The following RAB6B variants were observed in gnomAD, a reference collection of about 807,000 sequenced individuals.
RAB6B encodes the protein RAB6B, member RAS oncogene family, also known as ras-related protein Rab-6B.
In RAB6B, 7 loss-of-function variants were observed where a neutral mutation model predicts 31.2. The observed-to-expected ratio is 0.22, with a 90% CI of 0.13 to 0.42. RAB6B has a LOEUF of 0.42. RAB6B is among the 10% of genes least tolerant of loss of function. RAB6B has a pLI of 1.00. For missense variants in RAB6B, 149 were observed against 280.6 expected (o/e 0.53, Z 3.35); for synonymous variants, 105 against 104.9 (o/e 1.00, Z -0.01).
chr3:133,895,010 G>A (rs1021645387), intron 1 of RAB6B, among the ~76,000 whole-genome samples: 19 of 151,608 alleles, frequency 1.3e-4, no homozygotes, highest in Non-Finnish European at 2.5e-4. Flanking sequence ...CCCCACCCCC[G>A]CCAGCACCCA....
intron 7 of RAB6B, among the ~76,000 whole-genome samples, chr3:133,834,171 G>C (rs528305963): frequency 1.9e-4 from 29 of 152,074 alleles, no homozygotes; most frequent in Non-Finnish European, 3.2e-4. Flanking sequence ...CTGAAGGGGG[G>C]AGCTGTCTTG....
intron 2 of RAB6B, among the ~76,000 whole-genome samples, chr3:133,852,534 G>A (rs888891406): frequency 1.3e-5 from 2 of 149,446 alleles, no homozygotes; most frequent in Non-Finnish European, 3.0e-5. Context: ...GCAGTGGCAT[G>A]AACACAGATC....
Position 133,827,553 on chromosome 3 carries a change from CTGAACCACATCCTCAGG to C in RAB6B, c.*1218_*1234del, listed in dbSNP as rs1935584860. ...GCAAGCAGCCTTCTGGAGACCCCACCTGAACCACATCCTCAGGTGACCACAGCGCAGCCACAGTAGCC... is the reference window on the plus strand; with the variant it reads ...GCAAGCAGCCTTCTGGAGACCCCACCTGACCACAGCGCAGCCACAGTAGCC... On this transcript the variant is annotated 3_prime_UTR_variant, in exon 8 of 8. Coordinates refer to ENST00000285208, the MANE Select transcript of RAB6B (RefSeq NM_016577.4). The C allele has an allele frequency of 7.7e-6, 2 of 259,970 alleles. No homozygotes were observed. The highest frequency in any genetic ancestry group is 5.2e-5 in the Admixed American group (1 of 19,082). The allele number at this position is 259,970 out of a possible 1,614,324, so 16.1% of individuals were successfully genotyped here.
chr3:133,889,425 TATATATATATATA>T, intron 1 of RAB6B, among the ~76,000 whole-genome samples: 1 of 67,424 alleles, frequency 1.5e-5, no homozygotes, highest in African/African-American at 5.6e-5. Flanking sequence ...TATATATATA[TATATATATATATA>T]TATATATTTA....
intron 1 of RAB6B, among the ~76,000 whole-genome samples, chr3:133,866,151 A>T (rs765605350): frequency 2.0e-5 from 3 of 152,352 alleles, no homozygotes; most frequent in Middle Eastern, 3.4e-3. Context: ...TAAAAGTGGA[A>T]GGAGGCAGCA....
At chr3:133,836,972 A>C (rs1935745588) in intron 6 of RAB6B, among the ~76,000 whole-genome samples, 1 of 152,210 alleles carries the variant, frequency 6.6e-6, no homozygotes, top group South Asian at 2.1e-4. Context: ...TGCATCCAGA[A>C]GGCCAGTGCT....
Position 133,884,871 on chromosome 3 carries a change from G to A in RAB6B, c.70+10526C>T, listed in dbSNP as rs575393798. 1.4e-4 allele frequency among the ~76,000 whole-genome samples: 16 copies of A among 114,048 alleles called. No individual in the cohort carries two copies. In the East Asian group the frequency reaches 4.0e-3, roughly 28 times the overall value. 74.8% of individuals were successfully genotyped at this position (114,048 alleles called of 152,430 possible). ...GCTCACACACCAATGATCAAAGGAC[G>A]GGGGATTCACACACCAAATAATCAG... On this transcript the variant is annotated intron_variant, in intron 1 of 7. Coordinates refer to ENST00000285208, the MANE Select transcript of RAB6B (RefSeq NM_016577.4).
intron 3 of RAB6B, 78 bp downstream of exon 3, chr3:133,841,532 G>A: frequency 5.1e-6 from 8 of 1,561,294 alleles, no homozygotes; most frequent in Non-Finnish European, 7.0e-6. Flanking sequence ...GCTCTCAGTG[G>A]TGCCCAGCTA....
intron 6 of RAB6B, among the ~76,000 whole-genome samples, chr3:133,837,185 T>G (rs1253481332): frequency 2.0e-5 from 3 of 152,194 alleles, no homozygotes; most frequent in African/African-American, 7.2e-5. Context: ...GCAGGAGTTC[T>G]TAACCCTTCC....
chr3:133,885,721 G>A (rs980953735), intron 1 of RAB6B: 20 of 665,692 alleles, frequency 3.0e-5, no homozygotes, highest in Middle Eastern at 5.8e-4. Context: ...GTCCATCTGC[G>A]TACAGTGTGG....
At chr3:133,841,923 G>A (rs1432006008) in intron 2 of RAB6B, among the ~76,000 whole-genome samples, 1 of 152,216 alleles carries the variant, frequency 6.6e-6, no homozygotes, top group Non-Finnish European at 1.5e-5. Flanking sequence ...GAAGCAGTGA[G>A]AGCGCAGTGG....
At chr3:133,864,843 G>A (rs1936214257) in intron 1 of RAB6B, among the ~76,000 whole-genome samples, 1 of 152,232 alleles carries the variant, frequency 6.6e-6, no homozygotes, top group African/African-American at 2.4e-5. Context: ...TGGGCTGAGG[G>A]CTGTTCCTGC....
intron 2 of RAB6B, among the ~76,000 whole-genome samples, chr3:133,863,341 G>A (rs1936190343): frequency 1.3e-5 from 2 of 152,332 alleles, no homozygotes; most frequent in Middle Eastern, 6.8e-3. Flanking sequence ...TTAAGGCAAG[G>A]AGGATAATTG....
chr3:133,839,793 C>T (rs555819106), intron 4 of RAB6B, among the ~76,000 whole-genome samples, 176 bp from the exon 5 acceptor site: 4 of 152,240 alleles, frequency 2.6e-5, no homozygotes, highest in Admixed American at 1.3e-4. Context: ...CAGAGGGAAC[C>T]GGGCCCTGCC....
chr3:133,835,239 A>C (rs1341647562), intron 6 of RAB6B, among the ~76,000 whole-genome samples: 1 of 151,760 alleles, frequency 6.6e-6, no homozygotes, highest in Non-Finnish European at 1.5e-5. Context: ...TGTGTGTAGG[A>C]GTGTGTGTAC....
chr3:133,849,274 T>C lies in RAB6B; in HGVS notation c.130-7611A>G, dbSNP rs753756130. ...TCTCTCCCACTGGCCAGTGATTCAA[T>C]GATTCTCAATATGTAGCCCACGAGT... On this transcript the variant is annotated intron_variant, in intron 2 of 7. Coordinates refer to ENST00000285208, the MANE Select transcript of RAB6B (RefSeq NM_016577.4). 1.4e-4 allele frequency among the ~76,000 whole-genome samples: 22 copies of C among 152,330 alleles called. 1 individual carries two copies. The highest frequency in any genetic ancestry group is 8.3e-4 in the South Asian group (4 of 4,830).
At chr3:133,858,661 T>C (rs936966681) in intron 2 of RAB6B, among the ~76,000 whole-genome samples, 2 of 152,236 alleles carry the variant, frequency 1.3e-5, no homozygotes, top group Non-Finnish European at 2.9e-5. Context: ...ACCCTATCTT[T>C]ATCTACAGTC....
At chr3:133,862,946 CA>C (rs1490132805) in intron 2 of RAB6B, among the ~76,000 whole-genome samples, 2 of 152,226 alleles carry the variant, frequency 1.3e-5, no homozygotes, top group East Asian at 3.8e-4. Flanking sequence ...TTCATACACA[CA>C]CATGCATGCA....
chr3:133,887,571 T>C (rs1459756414), intron 1 of RAB6B, among the ~76,000 whole-genome samples: 14 of 152,200 alleles, frequency 9.2e-5, no homozygotes, highest in Admixed American at 9.2e-4. Context: ...TGGCACTGAA[T>C]TGCAGAACCA....
Sources: gnomAD v4.1 joint callset for allele counts (sites outside exome capture counted in the v4.1 genomes callset) on GRCh38, gnomAD v4.1.1 for gene constraint, MANE v1.5 for transcripts, NCBI Gene and HGNC (gene_info 2026-07-23, HGNC 2026-07-21) for gene names.